Variants in TMPRSS11E observed in about 807,000 individuals in gnomAD.
The protein encoded by TMPRSS11E is transmembrane serine protease 11E.
TMPRSS11E carries 38 observed loss-of-function variants against 48.1 expected under a neutral mutation model. The ratio of observed to expected loss-of-function variants is 0.79; its 90% CI spans 0.61 to 1.04. The LOEUF (loss-of-function observed/expected upper bound fraction) is 1.04. TMPRSS11E is among the 50% of genes least tolerant of loss of function. The pLI is 0.00. For missense variants in TMPRSS11E, 530 were observed against 510.8 expected, an observed-to-expected ratio of 1.04 and a Z score of -0.36; for synonymous variants, 158 against 171.9, an observed-to-expected ratio of 0.92 and a Z score of 0.63.
intron 9 of TMPRSS11E, among the ~76,000 whole-genome samples, chr4:68,486,359 C>G (rs944832423): frequency 6.6e-6 from 1 of 152,184 alleles, no homozygotes; most frequent in Non-Finnish European, 1.5e-5. Flanking sequence ...TCATTAATTT[C>G]AAAGAATTTC....
rs141644020 is a variant in TMPRSS11E at position 68,487,830 on chromosome 4, A to G, written c.1111-8813A>G. On this transcript the variant is annotated intron_variant, in intron 9 of 9. Transcript: ENST00000305363. ...CTAATGGGCGCCTGTAATCCCAGCT[A>G]TTCGGGAGGCTGAGGCAGGAGAATT... Among the ~76,000 whole-genome samples, 31 of 149,686 alleles carry G rather than the reference A, an allele frequency of 2.1e-4. No homozygotes were observed. The East Asian group carries it at 5.4e-3, about 26-fold the overall frequency.
intron 1 of TMPRSS11E, among the ~76,000 whole-genome samples, chr4:68,448,815 G>C (rs1728416245): frequency 6.6e-6 from 1 of 151,832 alleles, no homozygotes; most frequent in Admixed American, 6.6e-5. Context: ...TTGTATGAAA[G>C]ATGAAGCACA....
At chr4:68,453,420 A>C in intron 1 of TMPRSS11E, among the ~76,000 whole-genome samples, 1 of 151,934 alleles carries the variant, frequency 6.6e-6, no homozygotes. Context: ...TCCACTAAAC[A>C]AGAAAATGGA....
At chr4:68,465,684 G>T (rs987940265) in intron 2 of TMPRSS11E, among the ~76,000 whole-genome samples, 10 of 152,236 alleles carry the variant, frequency 6.6e-5, no homozygotes, top group African/African-American at 2.4e-4. Context: ...AAGAGGGAAA[G>T]AATAGGGAGG....
chr4:68,472,579 C>T (rs1221064180), intron 5 of TMPRSS11E, among the ~76,000 whole-genome samples: 8 of 151,920 alleles, frequency 5.3e-5, no homozygotes, highest in Non-Finnish European at 1.0e-4. Flanking sequence ...TATGGCAGCA[C>T]TGGAAACTAC....
chr4:68,466,675 A>G lies in TMPRSS11E; in HGVS notation c.181A>G (p.Thr61Ala). ...YNYYSTLSFTTDKLYAEFGRE... is the reference protein window; with the variant it reads ...YNYYSTLSFTADKLYAEFGRE... Reference sequence around the variant, plus strand: ...TTACTATAGCACATTGTCATTTACAACTGACAAACTATATGCTGAGTTTGG... The same window carrying G: ...TTACTATAGCACATTGTCATTTACAGCTGACAAACTATATGCTGAGTTTGG... Residue 61 changes from threonine to alanine, a missense_variant, in exon 3 of 10, where the codon ACT becomes GCT. Thr to Ala is a moderately conservative substitution (Grantham distance 58). Coordinates refer to ENST00000305363, the MANE Select transcript of TMPRSS11E (RefSeq NM_014058.4). The G allele has an allele frequency of 6.2e-7, 1 of 1,613,682 alleles. No individual in the cohort carries two copies. The highest frequency in any genetic ancestry group is 8.5e-7 in the Non-Finnish European group (1 of 1,179,680).
intron 9 of TMPRSS11E, among the ~76,000 whole-genome samples, chr4:68,482,361 C>T (rs578148880): frequency 3.9e-5 from 6 of 152,122 alleles, no homozygotes; most frequent in Admixed American, 6.5e-5. Context: ...CATTCTGCTC[C>T]TGGCCTCTCC....
intron 4 of TMPRSS11E, among the ~76,000 whole-genome samples, chr4:68,470,429 C>A (rs985370078): frequency 6.6e-6 from 1 of 151,734 alleles, no homozygotes; most frequent in Non-Finnish European, 1.5e-5. Flanking sequence ...TGAAAAGAAT[C>A]CACTGGCTTT....
rs1729899553 is a variant in TMPRSS11E, at chr4:68,497,272, C to A, written c.*468C>A. The A allele has an allele frequency of 6.6e-6, 1 of 152,398 alleles. No individual in the cohort carries two copies. Among genetic ancestry groups the A allele is most frequent in the Admixed American group, 6.6e-5 (1 of 15,266 alleles). 9.4% of individuals were successfully genotyped at this position (152,398 alleles called of 1,614,324 possible). ...AAAAATCCCCTACATTTTATTGGCACAGAAAAGTATTAGGTGTTTTTCTTA... is the reference window on the plus strand; with the variant it reads ...AAAAATCCCCTACATTTTATTGGCAAAGAAAAGTATTAGGTGTTTTTCTTA... On this transcript the variant is annotated 3_prime_UTR_variant, in exon 10 of 10. Coordinates refer to ENST00000305363, the MANE Select transcript of TMPRSS11E (RefSeq NM_014058.4).
At chr4:68,478,480 G>A (rs1477946171) in intron 8 of TMPRSS11E, among the ~76,000 whole-genome samples, 2 of 62,330 alleles carry the variant, frequency 3.2e-5, no homozygotes, top group Non-Finnish European at 5.9e-5. Context: ...TTTAAGATGG[G>A]GCTTCTTTCT....
chr4:68,447,582 T>C, intron 1 of TMPRSS11E, 59 bp downstream of exon 1: 1 of 1,421,868 alleles, frequency 7.0e-7, no homozygotes, highest in Non-Finnish European at 9.9e-7. Context: ...TTTAAAACAG[T>C]ATGAGCCACA....
intron 8 of TMPRSS11E, among the ~76,000 whole-genome samples, chr4:68,477,894 C>T (rs1213041281): frequency 6.6e-6 from 1 of 152,066 alleles, no homozygotes; most frequent in African/African-American, 2.4e-5. Flanking sequence ...TAGCCATGAA[C>T]TTTCTTTAGA....
At chr4:68,496,008 A>G (rs1285749048) in intron 9 of TMPRSS11E, among the ~76,000 whole-genome samples, 1 of 152,156 alleles carries the variant, frequency 6.6e-6, no homozygotes. Flanking sequence ...AGTTTGCAGG[A>G]TATAAATAAT....
intron 1 of TMPRSS11E, among the ~76,000 whole-genome samples, chr4:68,455,028 C>T (rs979666804): frequency 6.6e-6 from 1 of 151,864 alleles, no homozygotes. Flanking sequence ...AATGGTAGAA[C>T]TTATTCCTTC....
chr4:68,472,404 CAAAT>C (rs1208367436), intron 5 of TMPRSS11E, among the ~76,000 whole-genome samples: 1 of 140,502 alleles, frequency 7.1e-6, no homozygotes, highest in Non-Finnish European at 1.6e-5. Flanking sequence ...ATCATTTAAA[CAAAT>C]AGTCAATGTA....
chr4:68,497,348 G>A lies in TMPRSS11E; in HGVS notation c.*544G>A, dbSNP rs1167995867. On this transcript the variant is annotated 3_prime_UTR_variant, in exon 10 of 10. Coordinates refer to ENST00000305363, the MANE Select transcript of TMPRSS11E (RefSeq NM_014058.4). Reference sequence around the variant, plus strand: ...CATTATGAAAGGTCAAGCAAAGACAGCAGAATACCAATCACTTCATCATTT... The same window carrying A: ...CATTATGAAAGGTCAAGCAAAGACAACAGAATACCAATCACTTCATCATTT... 1 of 152,106 alleles carries A rather than the reference G, an allele frequency of 6.6e-6. No individual in the cohort carries two copies. Among genetic ancestry groups the A allele is most frequent in the Non-Finnish European group, 1.5e-5 (1 of 68,034 alleles). The allele number at this position is 152,106 out of a possible 1,614,324, so 9.4% of individuals were successfully genotyped here.
intron 9 of TMPRSS11E, among the ~76,000 whole-genome samples, chr4:68,487,941 C>CAA (rs56299530): frequency 0.013 from 1,206 of 89,724 alleles, 60 homozygotes; most frequent in African/African-American, 0.048. Context: ...GACTCTGTCT[C>CAA]AAAAAAAAAA....
chr4:68,461,327 C>G (rs1291560508), intron 1 of TMPRSS11E, among the ~76,000 whole-genome samples: 1 of 152,096 alleles, frequency 6.6e-6, no homozygotes, highest in East Asian at 1.9e-4. Context: ...ATTAGCAACT[C>G]CATGTGAAAC....
At chr4:68,477,780 G>T (rs549986541) in intron 8 of TMPRSS11E, 152 bp downstream of exon 8, 6 of 959,240 alleles carry the variant, frequency 6.3e-6, no homozygotes, top group Middle Eastern at 2.5e-4. Context: ...AACTTGGAAG[G>T]CACAAAAATT....
Sources: gnomAD v4.1 joint callset for allele counts (sites outside exome capture counted in the v4.1 genomes callset) on GRCh38, gnomAD v4.1.1 for gene constraint, MANE v1.5 for transcripts, NCBI Gene and HGNC (gene_info 2026-07-23, HGNC 2026-07-21) for gene names.